The following SPDYE3 variants were observed in gnomAD, a reference collection of about 807,000 sequenced individuals.
SPDYE3 encodes the protein speedy/RINGO cell cycle regulator family member E3.
SPDYE3 carries 15 observed loss-of-function variants against 55.0 expected under a neutral mutation model. The ratio of observed to expected loss-of-function variants is 0.27; its 90% CI spans 0.18 to 0.42. The LOEUF is 0.42. Among genes scored for constraint, SPDYE3 ranks in the 10% least tolerant of loss-of-function variants. The pLI, the probability that SPDYE3 is intolerant of heterozygous loss-of-function variation, is 1.00. For missense variants in SPDYE3, 236 were observed against 576.7 expected, an observed-to-expected ratio of 0.41 and a Z score of 6.05; for synonymous variants, 89 against 229.9, an observed-to-expected ratio of 0.39 and a Z score of 5.55.
rs1310573470 is a variant in SPDYE3 at position 100,307,926 on chromosome 7, C to T, written c.41C>T (p.Pro14Leu). Residue 14 changes from proline (P) to leucine (L), a missense_variant, in exon 1 of 11, where the codon CCC becomes CTC. Pro to Leu is a moderately conservative substitution (Grantham distance 98, BLOSUM62 -3). Transcript: ENST00000332397. ...CCGCAGCCCCAGGAAGAGCAGAGCC[C>T]CCAGCGGAGCACCTCAGGGTACCCC... ...HQPQPQEEQS[P>L]QRSTSGYPLQ... 1.9e-6 allele frequency: 3 copies of T among 1,584,764 alleles called. No individual in the cohort carries two copies. Among genetic ancestry groups the T allele is most frequent in the South Asian group, 1.1e-5 (1 of 88,928 alleles).
chr7:100,312,495 TCA>T (rs1805987036), intron 4 of SPDYE3, among the ~76,000 whole-genome samples: 1 of 73,856 alleles, frequency 1.4e-5, no homozygotes. Context: ...AGACGCTGTC[TCA>T]AAAAAAAAAA....
chr7:100,318,726 T>C (rs1441263680), intron 8 of SPDYE3, among the ~76,000 whole-genome samples: 1 of 36 alleles, frequency 0.028, no homozygotes, highest in Non-Finnish European at 0.17. Context: ...ATTCAATTGC[T>C]TTTTTTTTTT....
chr7:100,319,953 A>G lies in SPDYE3; in HGVS notation c.1613A>G (p.His538Arg). The part of the protein sequence containing the change: ...LEEIQAYDPE[H>R]WVWARDRAHL... ...CAGATCCAGGCTTATGACCCAGAGC[A>G]CTGGGTGTGGGCGCGAGATCGCGCC... is the stretch of plus-strand genomic sequence containing the variant. The change falls in exon 10 of 11, where the codon CAC becomes CGC. Residue 538 changes from histidine to arginine, a missense_variant. Physicochemically the swap from His to Arg is conservative, Grantham distance 29 (BLOSUM62 0). Coordinates refer to ENST00000332397, the MANE Select transcript of SPDYE3 (RefSeq NM_001004351.5). 1 of 1,610,552 alleles carries G rather than the reference A, an allele frequency of 6.2e-7. No individual in the cohort carries two copies. Among genetic ancestry groups the G allele is most frequent in the South Asian group, 1.1e-5 (1 of 90,996 alleles).
At chr7:100,317,246 C>T in intron 8 of SPDYE3, 91 bp downstream of exon 8, 2 of 1,264,492 alleles carry the variant, frequency 1.6e-6, no homozygotes, top group South Asian at 1.2e-5. Flanking sequence ...ATTCTTTCAC[C>T]TATTTGTCCT....
rs749280611 is a variant in SPDYE3, at chr7:100,319,631, C to A, written c.1413C>A (p.Tyr471Ter). Residue 471 changes from tyrosine (Y) to a stop codon, truncating the protein, a stop_gained, in exon 9 of 11, where the codon TAC becomes TAA. Transcript: ENST00000332397. LOFTEE classifies it high-confidence loss of function. ...APKQKIFYFL[Y>*]GKTHSHIPLR... is the part of the protein sequence containing the mutation. ...AACAAAAGATCTTCTACTTCCTGTA[C>A]GGGAAGACCCACTCTCACATACCCT... is the stretch of plus-strand genomic sequence containing the variant. The A allele has an allele frequency of 1.2e-6, 2 of 1,614,100 alleles. No individual in the cohort carries two copies. The highest frequency in any genetic ancestry group is 2.7e-5 in the African/African-American group (2 of 74,932).
Position 100,320,940 on chromosome 7 carries a change from G to C in SPDYE3, c.*95G>C, listed in dbSNP as rs1054330. 2 of 1,230,574 alleles carry C rather than the reference G, an allele frequency of 1.6e-6. No individual in the cohort carries two copies. The highest frequency in any genetic ancestry group is 9.3e-5 in the East Asian group (2 of 21,418). The allele number at this position is 1,230,574 out of a possible 1,614,324, so 76.2% of individuals were successfully genotyped here. A position where few individuals can be genotyped will look rare whatever the true frequency, so the allele number is the denominator to read the frequency against. On this transcript the variant is annotated 3_prime_UTR_variant, in exon 11 of 11. Coordinates refer to ENST00000332397, the MANE Select transcript of SPDYE3 (RefSeq NM_001004351.5). ...GATTTTCAGCAGGAACTTTATTCCAGTGCTAATGGCAGACATCAGGAAGGA... is the reference window on the plus strand; with the variant it reads ...GATTTTCAGCAGGAACTTTATTCCACTGCTAATGGCAGACATCAGGAAGGA...
intron 10 of SPDYE3, 110 bp from the exon 11 acceptor site, chr7:100,320,781 G>A (rs1251745727): frequency 6.6e-5 from 71 of 1,073,222 alleles, no homozygotes; most frequent in Non-Finnish European, 8.2e-5. Context: ...AGATAAAATC[G>A]CACTTCTCAA....
chr7:100,308,132 C>G, intron 1 of SPDYE3, 141 bp downstream of exon 1: 1 of 1,123,122 alleles, frequency 8.9e-7, no homozygotes, highest in East Asian at 3.6e-5. Context: ...CAGTTCAAGA[C>G]CAGCCTGGCC....
intron 8 of SPDYE3, among the ~76,000 whole-genome samples, chr7:100,318,936 G>A (rs1258772756): frequency 1.4e-5 from 2 of 146,752 alleles, no homozygotes; most frequent in Non-Finnish European, 3.0e-5. Flanking sequence ...ATCAAGACAA[G>A]AGTGTTGCTG....
chr7:100,319,200 C>T (rs1585001199), intron 8 of SPDYE3, among the ~76,000 whole-genome samples: 1 of 152,098 alleles, frequency 6.6e-6, no homozygotes, highest in Non-Finnish European at 1.5e-5. Context: ...CATGAGCCAC[C>T]ACGTCTGGCG....
intron 4 of SPDYE3, among the ~76,000 whole-genome samples, chr7:100,312,888 A>T (rs903590404): frequency 1.1e-4 from 16 of 149,870 alleles, no homozygotes; most frequent in African/African-American, 2.9e-4. Flanking sequence ...AACAAAAAAA[A>T]AAAAGAGGGC....
rs1317237502 is a variant in SPDYE3, at chr7:100,317,085, G to T, written c.1276G>T (p.Val426Phe). The T allele has an allele frequency of 6.2e-7, 1 of 1,609,248 alleles. No individual in the cohort carries two copies. The change falls in exon 8 of 11, where the codon GTC becomes TTC. Residue 426 changes from valine (V) to phenylalanine (F), a missense_variant. Val to Phe is a conservative substitution (Grantham distance 50). Coordinates refer to ENST00000332397, the MANE Select transcript of SPDYE3 (RefSeq NM_001004351.5). The part of the protein sequence containing the change: ...RVSDKYLLAM[V>F]IAYFSRAGLP... Reference sequence around the variant, plus strand: ...TCTCCATCAGTATCTCCTGGCTATGGTCATAGCGTATTTCAGCCGGGCCGG... The same window carrying T: ...TCTCCATCAGTATCTCCTGGCTATGTTCATAGCGTATTTCAGCCGGGCCGG...
rs1277058097 is a variant in SPDYE3, at chr7:100,307,999, G to T, written c.106+8G>T. 2 of 1,545,172 alleles carry T rather than the reference G, an allele frequency of 1.3e-6. No individual in the cohort carries two copies. Among genetic ancestry groups the T allele is most frequent in the African/African-American group, 2.7e-5 (2 of 73,474 alleles). ...AAGTGTCGGGACCATCAGGTGAGGG[G>T]ACTGGAGGAAGAAGAGGTGGCATAG... On this transcript the variant is annotated splice_region_variant and intron_variant, in intron 1 of 10. Coordinates refer to ENST00000332397, the MANE Select transcript of SPDYE3 (RefSeq NM_001004351.5).
intron 1 of SPDYE3, 97 bp downstream of exon 1, chr7:100,308,088 G>C (rs554482394): frequency 1.4e-5 from 20 of 1,396,796 alleles, no homozygotes; most frequent in East Asian, 9.0e-5. Flanking sequence ...CCAACACTTT[G>C]GGAGGCCGAG....
intron 8 of SPDYE3, 73 bp from the exon 9 acceptor site, chr7:100,319,492 T>C: frequency 1.2e-6 from 2 of 1,609,440 alleles, no homozygotes; most frequent in South Asian, 2.2e-5. Flanking sequence ...TACCTTCCTC[T>C]CTGGGAAGCT....
chr7:100,309,691 A>G (rs1333132276), intron 2 of SPDYE3, among the ~76,000 whole-genome samples: 1 of 122,378 alleles, frequency 8.2e-6, no homozygotes, highest in Admixed American at 8.0e-5. Context: ...ACTGCACTCC[A>G]GTCTGGGTGA....
intron 9 of SPDYE3, 34 bp from the exon 10 acceptor site, chr7:100,319,897 T>A: frequency 6.2e-7 from 1 of 1,609,104 alleles, no homozygotes; most frequent in East Asian, 2.2e-5. Context: ...TCCTGGGGAG[T>A]CCCCGTCTTC....
chr7:100,319,974 G>C lies in SPDYE3; in HGVS notation c.1634G>C (p.Arg545Pro), dbSNP rs770267336. 8.8e-5 allele frequency: 142 copies of C among 1,607,928 alleles called. No homozygotes were observed. The highest frequency in any genetic ancestry group is 2.3e-4 in the Admixed American group (14 of 59,758). Residue 545 changes from arginine to proline, a missense_variant, in exon 10 of 11, where the codon CGC becomes CCC. Arg to Pro is a moderately radical substitution (Grantham distance 103, BLOSUM62 -2). Coordinates refer to ENST00000332397, the MANE Select transcript of SPDYE3 (RefSeq NM_001004351.5). Reference protein sequence around the residue: ...DPEHWVWARDRAHLS With the variant: ...DPEHWVWARDPAHLS ...GAGCACTGGGTGTGGGCGCGAGATC[G>C]CGCCCACCTTTCCTAGAGCTCCAGG...
intron 10 of SPDYE3, 170 bp downstream of exon 10, chr7:100,320,205 C>T: frequency 7.3e-7 from 1 of 1,361,062 alleles, no homozygotes; most frequent in Non-Finnish European, 9.8e-7. Flanking sequence ...CTACTCCCAA[C>T]TACTCAAGAG....
Sources: allele counts gnomAD v4.1 joint callset (sites outside exome capture counted in the v4.1 genomes callset), GRCh38; gene constraint gnomAD v4.1.1; transcripts MANE v1.5; gene names NCBI Gene and HGNC (gene_info 2026-07-23, HGNC 2026-07-21).